Variants in BNC2 observed in about 807,000 individuals in gnomAD.
BNC2 encodes the protein basonuclin zinc finger protein 2, also known as zinc finger protein basonuclin-2.
A neutral mutation model predicts 76.3 loss-of-function variants in BNC2; 20 were observed. That is an observed-to-expected ratio of 0.26 (90% confidence interval 0.18 to 0.38). The LOEUF (loss-of-function observed/expected upper bound fraction) is 0.38. Ranked by LOEUF, BNC2 falls within the 10% of genes least tolerant of loss-of-function variation. The pLI, the probability that BNC2 is intolerant of heterozygous loss-of-function variation, is 1.00. For synonymous variants in BNC2, 582 were observed against 514.8 expected (o/e 1.13, Z -1.77); for missense variants, 1,382 against 1,399.8 (o/e 0.99, Z 0.20).
chr9:16,737,216 C>G (rs1181762206), intron 2 of BNC2, among the ~76,000 whole-genome samples: 11 of 150,950 alleles, frequency 7.3e-5, no homozygotes, highest in African/African-American at 9.8e-5. Flanking sequence ...GCAACCCTCC[C>G]ACCTCAGCCA....
At chr9:16,726,451 T>G (rs1824320386) in intron 3 of BNC2, among the ~76,000 whole-genome samples, 1 of 151,868 alleles carries the variant, frequency 6.6e-6, no homozygotes, top group African/African-American at 2.4e-5. Flanking sequence ...ATTTCTAAAC[T>G]TGTAGTAGTT....
intron 3 of BNC2, among the ~76,000 whole-genome samples, chr9:16,717,432 T>C (rs1281264548): frequency 6.6e-6 from 1 of 152,226 alleles, no homozygotes; most frequent in Admixed American, 6.5e-5. Flanking sequence ...GGAAAGTATA[T>C]ACTTCATTAC....
intron 1 of BNC2, among the ~76,000 whole-genome samples, chr9:16,869,962 C>A (rs1307600688): frequency 6.6e-6 from 1 of 152,190 alleles, no homozygotes; most frequent in Non-Finnish European, 1.5e-5. Flanking sequence ...TAAAACAAAT[C>A]GGCTCCTATA....
intron 1 of BNC2, among the ~76,000 whole-genome samples, chr9:16,746,041 C>G (rs142636921): frequency 1.3e-5 from 2 of 152,298 alleles, no homozygotes; most frequent in East Asian, 3.9e-4. Context: ...TCTTAGGAAA[C>G]AGATCTAATC....
At chr9:16,832,302 A>G in intron 1 of BNC2, 9 of 1,277,252 alleles carry the variant, frequency 7.0e-6, no homozygotes, top group Non-Finnish European at 9.1e-6. Context: ...TCATGTTATC[A>G]AGGGAAAAGA....
chr9:16,600,292 A>G (rs1820210602), intron 3 of BNC2, among the ~76,000 whole-genome samples: 1 of 152,214 alleles, frequency 6.6e-6, no homozygotes, highest in Non-Finnish European at 1.5e-5. Flanking sequence ...CTGAATATCC[A>G]TAGAGCTGGT....
At chr9:16,601,011 A>G (rs906582442) in intron 3 of BNC2, among the ~76,000 whole-genome samples, 9 of 152,196 alleles carry the variant, frequency 5.9e-5, no homozygotes, top group Admixed American at 5.9e-4. Flanking sequence ...TTATTTAAAC[A>G]TCTTGGAAGG....
At chr9:16,779,236 G>A (rs1826056979) in intron 1 of BNC2, among the ~76,000 whole-genome samples, 2 of 150,764 alleles carry the variant, frequency 1.3e-5, no homozygotes, top group African/African-American at 4.9e-5. Context: ...CCCAGAAGGT[G>A]GAGGCTGCAG....
chr9:16,741,817 G>A (rs1459608933), intron 1 of BNC2, among the ~76,000 whole-genome samples: 1 of 151,916 alleles, frequency 6.6e-6, no homozygotes, highest in Admixed American at 6.6e-5. Context: ...AATCAGCCAG[G>A]TGTGGTGGTA....
At chr9:16,846,641 T>C (rs1818989549) in intron 1 of BNC2, among the ~76,000 whole-genome samples, 1 of 152,190 alleles carries the variant, frequency 6.6e-6, no homozygotes, top group African/African-American at 2.4e-5. Flanking sequence ...AGCTGGTGCA[T>C]ATGAGAAACA....
At chr9:16,821,593 G>T (rs1374839529) in intron 1 of BNC2, among the ~76,000 whole-genome samples, 1 of 152,166 alleles carries the variant, frequency 6.6e-6, no homozygotes, top group Admixed American at 6.5e-5. Context: ...ACAGCAAGAG[G>T]TTACAACATA....
intron 5 of BNC2, among the ~76,000 whole-genome samples, chr9:16,504,983 A>T (rs186494817): frequency 6.6e-6 from 1 of 152,364 alleles, no homozygotes; most frequent in East Asian, 1.9e-4. Flanking sequence ...TAGGTAAAAG[A>T]GAAGACTATG....
chr9:16,547,941 A>G (rs1818538220), intron 5 of BNC2, among the ~76,000 whole-genome samples: 1 of 152,194 alleles, frequency 6.6e-6, no homozygotes, highest in South Asian at 2.1e-4. Context: ...AGTTACTCCC[A>G]AATCTAAAGC....
chr9:16,672,082 G>A (rs1481768112), intron 3 of BNC2, among the ~76,000 whole-genome samples: 1 of 152,104 alleles, frequency 6.6e-6, no homozygotes, highest in Non-Finnish European at 1.5e-5. Context: ...AACAGCAAGG[G>A]GTGTTGCTAT....
intron 3 of BNC2, among the ~76,000 whole-genome samples, chr9:16,725,217 TCACA>T (rs4007689): frequency 0.014 from 2,051 of 147,922 alleles, 24 homozygotes; most frequent in African/African-American, 0.027. Context: ...TCTCTCTCTC[TCACA>T]CACACACACA....
intron 3 of BNC2, among the ~76,000 whole-genome samples, chr9:16,696,648 T>C (rs1242049589): frequency 1.3e-5 from 2 of 152,186 alleles, no homozygotes. Flanking sequence ...CATACTGCTT[T>C]ACACATAGCA....
At chr9:16,673,409 C>A (rs1157672695) in intron 3 of BNC2, among the ~76,000 whole-genome samples, 1 of 146,956 alleles carries the variant, frequency 6.8e-6, no homozygotes, top group Non-Finnish European at 1.5e-5. Flanking sequence ...AGAATAAACT[C>A]CCAGGGAACA....
chr9:16,665,434 A>AAAAGAAAGAAAGAAAGAAGG (rs1822251680), intron 3 of BNC2, among the ~76,000 whole-genome samples: 15 of 116,166 alleles, frequency 1.3e-4, no homozygotes, highest in African/African-American at 5.1e-4. Flanking sequence ...GAAAGGAAAG[A>AAAAGAAAGAAAGAAAGAAGG]AAAGAAAGAA....
At chr9:16,663,130 C>CTTGTTTTTTTTTTT (rs1822160998) in intron 3 of BNC2, among the ~76,000 whole-genome samples, 1 of 99,618 alleles carries the variant, frequency 1.0e-5, no homozygotes, top group Non-Finnish European at 2.1e-5. Flanking sequence ...TCTGTTTACT[C>CTTGTTTTTTTTTTT]TTTTTTTTTT....
Sources: gnomAD v4.1 joint callset for allele counts (sites outside exome capture counted in the v4.1 genomes callset) on GRCh38, gnomAD v4.1.1 for gene constraint, MANE v1.5 for transcripts, NCBI Gene and HGNC (gene_info 2026-07-23, HGNC 2026-07-21) for gene names.